The following PPFIA2 variants were observed in gnomAD, a reference collection of about 807,000 sequenced individuals.
PPFIA2 encodes liprin-alpha-2.
PPFIA2 carries 46 observed loss-of-function variants against 175.5 expected under a neutral mutation model. The ratio of observed to expected loss-of-function variants is 0.26; its 90% CI spans 0.21 to 0.34. PPFIA2 has a LOEUF of 0.34. PPFIA2 is among the 10% of genes least tolerant of loss of function. The probability of loss-of-function intolerance (pLI) is 1.00; values close to 1 mark genes in which losing one functional copy is unlikely to be tolerated. For missense variants in PPFIA2, 1,179 were observed against 1,506.1 expected (o/e 0.78, Z 3.60); for synonymous variants, 568 against 511.4 (o/e 1.11, Z -1.49).
intron 11 of PPFIA2, 73 bp from the exon 12 acceptor site, chr12:81,369,267 T>C: frequency 6.4e-7 from 1 of 1,556,686 alleles, no homozygotes; most frequent in East Asian, 2.3e-5. Flanking sequence ...TAAATTGAAA[T>C]AAAATGTAAA....
rs547373463 is a variant in PPFIA2, at chr12:81,649,690, A to G, written c.303+27101T>C. On this transcript the variant is annotated intron_variant, in intron 4 of 32. Coordinates refer to ENST00000549396, the MANE Select transcript of PPFIA2 (RefSeq NM_003625.5). ...GATAAACAAACTGCGGTATATGTAT[A>G]TAACAGAAAACTATTCAACAATAAA... 6.6e-5 allele frequency among the ~76,000 whole-genome samples: 10 copies of G among 152,360 alleles called. No individual in the cohort carries two copies. The South Asian group carries it at 2.1e-3, about 32-fold the overall frequency.
At chr12:81,712,799 A>G (rs536382477) in intron 3 of PPFIA2, among the ~76,000 whole-genome samples, 5 of 149,742 alleles carry the variant, frequency 3.3e-5, no homozygotes, top group Non-Finnish European at 7.4e-5. Context: ...TACGCTTTCA[A>G]TTGTGCTGTC....
At chr12:81,656,022 A>C (rs1287317031) in intron 4 of PPFIA2, among the ~76,000 whole-genome samples, 1 of 151,972 alleles carries the variant, frequency 6.6e-6, no homozygotes, top group Non-Finnish European at 1.5e-5. Flanking sequence ...TTTTAAATCT[A>C]TTATTTTTTG....
chr12:81,432,613 G>A (rs1474975593), intron 7 of PPFIA2, among the ~76,000 whole-genome samples: 2 of 151,456 alleles, frequency 1.3e-5, no homozygotes, highest in Non-Finnish European at 1.5e-5. Flanking sequence ...TTACAGGCAC[G>A]CACCACCATG....
chr12:81,579,511 A>G (rs574270840), intron 4 of PPFIA2, among the ~76,000 whole-genome samples: 1 of 151,910 alleles, frequency 6.6e-6, no homozygotes, highest in African/African-American at 2.4e-5. Context: ...TATGCCCTAA[A>G]GGAGGTATAA....
chr12:81,396,127 C>T (rs2041091137), intron 8 of PPFIA2, among the ~76,000 whole-genome samples: 1 of 151,906 alleles, frequency 6.6e-6, no homozygotes, highest in Admixed American at 6.6e-5. Context: ...TATAATTAAG[C>T]TCTAAGAATC....
At chr12:81,561,076 C>A (rs1368278483) in intron 4 of PPFIA2, among the ~76,000 whole-genome samples, 3 of 152,088 alleles carry the variant, frequency 2.0e-5, no homozygotes, top group East Asian at 3.9e-4. Flanking sequence ...ACATAACTCA[C>A]TAAGTTTAAA....
chr12:81,645,482 A>G (rs565724038), intron 4 of PPFIA2, among the ~76,000 whole-genome samples: 21 of 152,218 alleles, frequency 1.4e-4, no homozygotes, highest in Non-Finnish European at 2.9e-4. Flanking sequence ...AAAAAAATAG[A>G]TAAGAGTTTT....
chr12:81,736,279 T>G (rs117086944), intron 3 of PPFIA2, among the ~76,000 whole-genome samples: 4,868 of 152,158 alleles, frequency 0.032, 129 homozygotes, highest in Non-Finnish European at 0.051. Flanking sequence ...TTGTTTAATT[T>G]ACTCTTAAGT....
intron 28 of PPFIA2, among the ~76,000 whole-genome samples, chr12:81,274,416 C>T (rs991515972): frequency 3.3e-5 from 5 of 152,074 alleles, no homozygotes; most frequent in Non-Finnish European, 7.4e-5. Context: ...ATCGTCACAC[C>T]TGTAGTTAAG....
chr12:81,495,127 G>A (rs1480537994), intron 4 of PPFIA2, among the ~76,000 whole-genome samples: 8 of 151,744 alleles, frequency 5.3e-5, no homozygotes, highest in South Asian at 2.1e-4. Flanking sequence ...AAAAAGTGTC[G>A]TTTAGGACAT....
rs758839661 is a variant in PPFIA2, at chr12:81,374,747, A to C, written c.1153T>G (p.Leu385Val). Residue 385 changes from leucine (L) to valine (V), a missense_variant, in exon 11 of 33, where the codon TTA becomes GTA. Leu to Val is a conservative substitution (Grantham distance 32, BLOSUM62 1). Coordinates refer to ENST00000549396, the MANE Select transcript of PPFIA2 (RefSeq NM_003625.5). ...TCAGCTAGCTCAAGACGTTCTTGTA[A>C]CTGTCTGTTTTTCTCTTCCATCTGA... ...LRQMEEKNRQLQERLELAEQK... is the reference protein window; with the variant it reads ...LRQMEEKNRQVQERLELAEQK... 6 of 1,612,784 alleles carry C rather than the reference A, an allele frequency of 3.7e-6. No individual in the cohort carries two copies. Among genetic ancestry groups the C allele is most frequent in the Non-Finnish European group, 5.1e-6 (6 of 1,179,328 alleles).
intron 4 of PPFIA2, chr12:81,545,254 C>G (rs1407132801): frequency 3.9e-5 from 6 of 152,142 alleles, no homozygotes. Flanking sequence ...ACAGGATGCA[C>G]TTTCTTTAAA....
intron 8 of PPFIA2, 85 bp from the exon 9 acceptor site, chr12:81,384,329 C>T: frequency 3.1e-6 from 3 of 958,642 alleles, no homozygotes; most frequent in Non-Finnish European, 4.5e-6. Flanking sequence ...ATTAAACTGA[C>T]ACTGCTTTCA....
intron 4 of PPFIA2, among the ~76,000 whole-genome samples, chr12:81,618,613 C>G (rs888245469): frequency 1.4e-5 from 2 of 148,010 alleles, no homozygotes; most frequent in Non-Finnish European, 3.0e-5. Flanking sequence ...ACTGCAAGCT[C>G]CGCCTCCCAG....
At chr12:81,683,752 G>A (rs2074036211) in intron 3 of PPFIA2, among the ~76,000 whole-genome samples, 1 of 151,984 alleles carries the variant, frequency 6.6e-6, no homozygotes, top group African/African-American at 2.4e-5. Context: ...TTGCTATAAA[G>A]GATGACCTGA....
chr12:81,287,685 C>G (rs1424471495), intron 24 of PPFIA2, among the ~76,000 whole-genome samples: 1 of 151,856 alleles, frequency 6.6e-6, no homozygotes, highest in Non-Finnish European at 1.5e-5. Context: ...TCAGATTGCT[C>G]TCTCTCCACC....
chr12:81,353,779 C>A (rs1482121146), intron 16 of PPFIA2, among the ~76,000 whole-genome samples: 2 of 152,104 alleles, frequency 1.3e-5, no homozygotes, highest in Admixed American at 1.3e-4. Flanking sequence ...CACAGGAATT[C>A]TCTTCCCAAC....
intron 4 of PPFIA2, among the ~76,000 whole-genome samples, chr12:81,544,270 G>A (rs1208305472): frequency 1.3e-5 from 2 of 152,060 alleles, no homozygotes. Context: ...TTTCTCAGCA[G>A]ATAAAGAAAT....
Sources: allele counts gnomAD v4.1 joint callset (sites outside exome capture counted in the v4.1 genomes callset), GRCh38; gene constraint gnomAD v4.1.1; transcripts MANE v1.5; gene names NCBI Gene and HGNC (gene_info 2026-07-23, HGNC 2026-07-21).